ADGRG7: variants seen among roughly 807,000 people sequenced by gnomAD.
The protein encoded by ADGRG7 is G-protein coupled receptor 128.
A neutral mutation model predicts 88.6 loss-of-function variants in ADGRG7; 82 were observed. The observed-to-expected ratio is 0.93, with a 90% CI of 0.77 to 1.11. The LOEUF (loss-of-function observed/expected upper bound fraction) is 1.11, where lower values mean the gene tolerates loss of function less well. Ranked by LOEUF, ADGRG7 falls within the 50% of genes most tolerant of loss-of-function variation. ADGRG7 has a pLI of 0.00. For missense variants in ADGRG7, 945 were observed against 953.4 expected (o/e 0.99, Z 0.12); for synonymous variants, 381 against 345.2 (o/e 1.10, Z -1.15).
At chr3:100,629,540 T>A in intron 1 of ADGRG7, 58 bp from the exon 2 acceptor site, 1 of 1,216,446 alleles carries the variant, frequency 8.2e-7, no homozygotes, top group Non-Finnish European at 1.2e-6. Context: ...GCCACAGGCA[T>A]GAAAGGAGAA....
intron 15 of ADGRG7, among the ~76,000 whole-genome samples, chr3:100,692,279 G>T (rs1289631153): frequency 6.6e-6 from 1 of 152,174 alleles, no homozygotes. Context: ...ATGGATGGGT[G>T]CCTGCCACTA....
intron 1 of ADGRG7, among the ~76,000 whole-genome samples, chr3:100,618,989 G>C (rs1351525875): frequency 2.0e-5 from 3 of 152,184 alleles, no homozygotes; most frequent in South Asian, 4.1e-4. Flanking sequence ...ATTGTGAATG[G>C]GAGTTCACTC....
chr3:100,627,653 T>A (rs532693940), intron 1 of ADGRG7, among the ~76,000 whole-genome samples: 1 of 152,342 alleles, frequency 6.6e-6, no homozygotes, highest in South Asian at 2.1e-4. Flanking sequence ...ATTTCTTTTC[T>A]AATTTACGAG....
At chr3:100,611,719 C>T (rs1159061683) in intron 1 of ADGRG7, among the ~76,000 whole-genome samples, 2 of 152,142 alleles carry the variant, frequency 1.3e-5, no homozygotes, top group Non-Finnish European at 2.9e-5. Context: ...TTGGGGTAAA[C>T]CCGATGGAAA....
At chr3:100,660,181 G>A (rs951991767) in intron 14 of ADGRG7, among the ~76,000 whole-genome samples, 13 of 152,308 alleles carry the variant, frequency 8.5e-5, no homozygotes, top group African/African-American at 2.9e-4. Context: ...AAAGAAATGA[G>A]AAGGTTGTGG....
intron 14 of ADGRG7, among the ~76,000 whole-genome samples, chr3:100,667,133 C>T (rs1295330097): frequency 6.6e-6 from 1 of 152,156 alleles, no homozygotes; most frequent in African/African-American, 2.4e-5. Flanking sequence ...CTGCCACAGC[C>T]TCCCGAGTAG....
chr3:100,617,810 A>G (rs1707247000), intron 1 of ADGRG7, among the ~76,000 whole-genome samples: 1 of 152,152 alleles, frequency 6.6e-6, no homozygotes, highest in African/African-American at 2.4e-5. Flanking sequence ...ACAATGGTTG[A>G]ACTAGTTTAC....
intron 1 of ADGRG7, among the ~76,000 whole-genome samples, chr3:100,628,514 A>G (rs1707414256): frequency 6.6e-6 from 1 of 151,898 alleles, no homozygotes; most frequent in African/African-American, 2.4e-5. Flanking sequence ...AGGCACCACC[A>G]CACCAGGTTA....
chr3:100,637,498 G>T, intron 6 of ADGRG7, 96 bp downstream of exon 6: 2 of 821,346 alleles, frequency 2.4e-6, no homozygotes, highest in Admixed American at 2.0e-5. Context: ...TTCTCTCATG[G>T]ATGCAGTAAC....
At chr3:100,670,224 A>G (rs1042176866) in intron 15 of ADGRG7, among the ~76,000 whole-genome samples, 7 of 152,116 alleles carry the variant, frequency 4.6e-5, no homozygotes, top group African/African-American at 1.7e-4. Flanking sequence ...TCAATTTTTT[A>G]AACTCTTTAG....
intron 8 of ADGRG7, among the ~76,000 whole-genome samples, chr3:100,644,794 G>T (rs574387945): frequency 5.3e-5 from 8 of 152,210 alleles, no homozygotes; most frequent in African/African-American, 1.2e-4. Flanking sequence ...ACCTCTTAAA[G>T]TGTTGGGATT....
At chr3:100,649,577 AG>A (rs2094925906) in intron 10 of ADGRG7, 117 bp from the exon 11 acceptor site, 1 of 582,632 alleles carries the variant, frequency 1.7e-6, no homozygotes, top group Admixed American at 3.1e-5. Flanking sequence ...GCTTTACAAA[AG>A]GAAGATATAT....
intron 15 of ADGRG7, among the ~76,000 whole-genome samples, chr3:100,688,943 T>C (rs1426964133): frequency 2.6e-5 from 4 of 152,246 alleles, no homozygotes; most frequent in Non-Finnish European, 4.4e-5. Flanking sequence ...GTTAACTTTC[T>C]GTCTTGTTGA....
intron 1 of ADGRG7, among the ~76,000 whole-genome samples, chr3:100,622,889 A>G (rs1232522726): frequency 6.6e-6 from 1 of 150,474 alleles, no homozygotes; most frequent in Non-Finnish European, 1.5e-5. Context: ...AGCTGGGACT[A>G]CAGGCATGCG....
chr3:100,641,648 A>G (rs76918062), intron 6 of ADGRG7, among the ~76,000 whole-genome samples: 3,540 of 151,726 alleles, frequency 0.023, 107 homozygotes, highest in African/African-American at 0.07. Context: ...TCCTTTTGAC[A>G]TAATAAATTT....
intron 1 of ADGRG7, among the ~76,000 whole-genome samples, chr3:100,624,626 ATG>A (rs1248694669): frequency 6.6e-6 from 1 of 152,116 alleles, no homozygotes; most frequent in Non-Finnish European, 1.5e-5. Context: ...TATGTCCTGA[ATG>A]GTATTGCCTA....
At chr3:100,642,662 GC>G (rs1429781623) in intron 6 of ADGRG7, among the ~76,000 whole-genome samples, 1 of 152,168 alleles carries the variant, frequency 6.6e-6, no homozygotes. Context: ...TTGACAGGTT[GC>G]CCCCACTCCC....
In ADGRG7 at chr3:100,669,102, A is replaced by C; in HGVS notation, c.2133A>C (p.Thr711=). 6.3e-7 allele frequency: 1 copy of C among 1,579,386 alleles called. No individual in the cohort carries two copies. The highest frequency in any genetic ancestry group is 8.6e-7 in the Non-Finnish European group (1 of 1,164,184). ...ACATATTCTGCCTTTTCAACACTAC[A>C]CAGGTATGGTGCGGATTAGTCTGAA... ...FSYIFCLFNT[T]QGLQIFILYT... The change falls in exon 15 of 16, where the codon ACA becomes ACC. Residue 711 remains threonine, a synonymous_variant. Coordinates refer to ENST00000273352, the MANE Select transcript of ADGRG7 (RefSeq NM_032787.3).
At chr3:100,661,064 C>T (rs923857850) in intron 14 of ADGRG7, among the ~76,000 whole-genome samples, 3 of 152,200 alleles carry the variant, frequency 2.0e-5, no homozygotes, top group African/African-American at 7.2e-5. Context: ...CAGTTCCCAT[C>T]CGTACTGCTT....
Sources: allele counts gnomAD v4.1 joint callset (sites outside exome capture counted in the v4.1 genomes callset), GRCh38; gene constraint gnomAD v4.1.1; transcripts MANE v1.5; gene names NCBI Gene and HGNC (gene_info 2026-07-23, HGNC 2026-07-21).